WDR27: variants seen among roughly 807,000 people sequenced by gnomAD.
WDR27 encodes the protein WD repeat domain 27.
Under a neutral mutation model 114.4 loss-of-function variants are expected in WDR27, and 100 were observed. The ratio of observed to expected loss-of-function variants is 0.87; its 90% CI spans 0.74 to 1.03. The LOEUF is 1.03. WDR27 is among the 50% of genes least tolerant of loss of function. The pLI is 0.00. For missense variants in WDR27, 1,129 were observed against 1,092.9 expected, an observed-to-expected ratio of 1.03 and a Z score of -0.47; for synonymous variants, 449 against 423.1, an observed-to-expected ratio of 1.06 and a Z score of -0.75.
At chr6:169,621,855 C>T (rs538933444) in intron 21 of WDR27, among the ~76,000 whole-genome samples, 7 of 152,304 alleles carry the variant, frequency 4.6e-5, no homozygotes, top group South Asian at 4.1e-4. Flanking sequence ...CACATATTCA[C>T]GCATATACAT....
the WDR27 span, among the ~76,000 whole-genome samples, chr6:169,429,871 TGGTAGTGTCC>T: frequency 6.6e-5 from 10 of 152,152 alleles, no homozygotes; most frequent in East Asian, 1.9e-3. Context: ...TGGGTTTAGG[TGGTAGTGTCC>T]TATTTCCAAG....
At chr6:169,537,809 C>T (rs940900010) in intron 25 of WDR27, among the ~76,000 whole-genome samples, 4 of 152,080 alleles carry the variant, frequency 2.6e-5, no homozygotes, top group South Asian at 2.1e-4. Flanking sequence ...TGTTAAGAGA[C>T]GGTGGTCTGG....
intron 25 of WDR27, among the ~76,000 whole-genome samples, chr6:169,553,058 C>CTCTG (rs1798402840): frequency 3.3e-5 from 1 of 30,136 alleles, no homozygotes; most frequent in African/African-American, 1.0e-4. Context: ...CCTGGAGGGC[C>CTCTG]TGTGTGTGTG....
chr6:169,635,244 G>C (rs1817392099), intron 19 of WDR27, among the ~76,000 whole-genome samples: 3 of 152,082 alleles, frequency 2.0e-5, no homozygotes, highest in Non-Finnish European at 4.4e-5. Context: ...GGGGGCAGGT[G>C]GGGGAAGGGG....
At chr6:169,631,651 G>C (rs1474906737) in intron 21 of WDR27, among the ~76,000 whole-genome samples, 2 of 152,150 alleles carry the variant, frequency 1.3e-5, no homozygotes, top group Non-Finnish European at 2.9e-5. Context: ...GACATGCAGG[G>C]AGACCATCTT....
At chr6:169,559,996 G>C (rs1799462726) in intron 25 of WDR27, 1 of 152,128 alleles carries the variant, frequency 6.6e-6, no homozygotes, top group Non-Finnish European at 1.5e-5. Context: ...ACTTAAGGAT[G>C]GTGACTGTGA....
At chr6:169,599,073 G>T (rs1807407238) in intron 23 of WDR27, among the ~76,000 whole-genome samples, 3 of 151,846 alleles carry the variant, frequency 2.0e-5, no homozygotes, top group Non-Finnish European at 4.4e-5. Flanking sequence ...GTGCCATGTT[G>T]GTGTGCTGCA....
chr6:169,549,945 T>A (rs985069255), intron 25 of WDR27, among the ~76,000 whole-genome samples: 2 of 152,142 alleles, frequency 1.3e-5, no homozygotes, highest in African/African-American at 4.8e-5. Context: ...TATGATGCTG[T>A]CATGGTGGAT....
At chr6:169,501,994 C>A (rs1371974454) in intron 25 of WDR27, among the ~76,000 whole-genome samples, 1 of 152,232 alleles carries the variant, frequency 6.6e-6, no homozygotes. Context: ...TGGGCCGGAT[C>A]GCTCCAGTGT....
intron 25 of WDR27, among the ~76,000 whole-genome samples, chr6:169,569,843 T>C (rs989879333): frequency 4.6e-5 from 7 of 152,200 alleles, no homozygotes; most frequent in Admixed American, 6.5e-5. Context: ...TTTTCCAGTC[T>C]GAAGTGACTT....
At chr6:169,525,200 T>G (rs1030662804) in intron 25 of WDR27, among the ~76,000 whole-genome samples, 1 of 152,094 alleles carries the variant, frequency 6.6e-6, no homozygotes. Context: ...ATCAGATAAA[T>G]GTACATTAAA....
chr6:169,555,340 G>C (rs1798724513), intron 25 of WDR27, among the ~76,000 whole-genome samples: 1 of 152,062 alleles, frequency 6.6e-6, no homozygotes, highest in South Asian at 2.1e-4. Context: ...AAGAAGAGCA[G>C]ACTGCTCCAG....
chr6:169,526,379 G>A (rs1043503449), intron 25 of WDR27, among the ~76,000 whole-genome samples: 9 of 152,246 alleles, frequency 5.9e-5, no homozygotes, highest in East Asian at 1.9e-4. Context: ...TTGGGAGGCC[G>A]AGGTAGGTGG....
At chr6:169,672,814 G>A (rs1779095931) in intron 2 of WDR27, among the ~76,000 whole-genome samples, 1 of 152,220 alleles carries the variant, frequency 6.6e-6, no homozygotes, top group Non-Finnish European at 1.5e-5. Flanking sequence ...AGGAGTGAGA[G>A]GAGGCTGGAG....
At chr6:169,593,898 G>T (rs143169011) in intron 23 of WDR27, among the ~76,000 whole-genome samples, 249 of 151,898 alleles carry the variant, frequency 1.6e-3, no homozygotes, top group Admixed American at 3.1e-3. Flanking sequence ...AACACAACTA[G>T]TGTTTTAATT....
At chr6:169,493,681 G>A (rs1407691731) in intron 25 of WDR27, among the ~76,000 whole-genome samples, 3 of 152,122 alleles carry the variant, frequency 2.0e-5, no homozygotes, top group Middle Eastern at 3.4e-3. Context: ...CATATTTGGC[G>A]ATACTGAACC....
chr6:169,668,591 C>T (rs745731714), intron 4 of WDR27: 14 of 170,736 alleles, frequency 8.2e-5, no homozygotes, highest in Non-Finnish European at 1.5e-4. Context: ...CAGAAGTCAG[C>T]GTCACAAGCT....
At chr6:169,448,772 C>G in the WDR27 span, among the ~76,000 whole-genome samples, 3 of 152,164 alleles carry the variant, frequency 2.0e-5, no homozygotes, top group Admixed American at 2.0e-4. Flanking sequence ...GCATCCTGCA[C>G]TTTTGTCCTC....
At chr6:169,444,331 T>C in the WDR27 span, among the ~76,000 whole-genome samples, 1 of 152,216 alleles carries the variant, frequency 6.6e-6, no homozygotes, top group South Asian at 2.1e-4. Context: ...AGAATGTGTT[T>C]GGCTCTAGAC....
Sources: gnomAD v4.1 joint callset for allele counts (sites outside exome capture counted in the v4.1 genomes callset) on GRCh38, gnomAD v4.1.1 for gene constraint, MANE v1.5 for transcripts, NCBI Gene and HGNC (gene_info 2026-07-23, HGNC 2026-07-21) for gene names.